CDH18: variants seen among roughly 807,000 people sequenced by gnomAD.
CDH18 encodes the protein cadherin 18.
In CDH18, 31 loss-of-function variants were observed where a neutral mutation model predicts 67.9. The observed-to-expected ratio is 0.46, with a 90% confidence interval of 0.34 to 0.62. The LOEUF (loss-of-function observed/expected upper bound fraction) is 0.62. Ranked by LOEUF, CDH18 falls within the 20% of genes least tolerant of loss-of-function variation. The pLI, the probability that CDH18 is intolerant of heterozygous loss-of-function variation, is 0.01. For synonymous variants in CDH18, 362 were observed against 347.2 expected (o/e 1.04, Z -0.48); for missense variants, 890 against 975.5 (o/e 0.91, Z 1.17).
rs1316446656 is a variant in CDH18 at position 19,473,012 on chromosome 5, A to C, written c.*214T>G. The C allele has an allele frequency of 1.9e-6, 1 of 517,866 alleles. No individual in the cohort carries two copies. Among genetic ancestry groups the C allele is most frequent in the African/African-American group, 1.9e-5 (1 of 52,148 alleles). The allele number at this position is 517,866 out of a possible 1,614,324, so 32.1% of individuals were successfully genotyped here. A position where few individuals can be genotyped will look rare whatever the true frequency, so the allele number is the denominator to read the frequency against. On this transcript the variant is annotated 3_prime_UTR_variant, in exon 13 of 13. Transcript: ENST00000382275. ...TTGAAAATATACACAAGGAACAATAACTTTTTCTTTGTATTGTCTTTTTTT... is the reference window on the plus strand; with the variant it reads ...TTGAAAATATACACAAGGAACAATACCTTTTTCTTTGTATTGTCTTTTTTT...
chr5:19,931,435 T>C (rs1361230892), intron 2 of CDH18, among the ~76,000 whole-genome samples: 1 of 151,936 alleles, frequency 6.6e-6, no homozygotes. Flanking sequence ...TTGGAATAAA[T>C]ATTTTCCCTG....
chr5:19,921,503 C>CCTGG (rs1792472293), intron 2 of CDH18, among the ~76,000 whole-genome samples: 1 of 150,602 alleles, frequency 6.6e-6, no homozygotes, highest in Admixed American at 6.6e-5. Flanking sequence ...TGCACTCTAG[C>CCTGG]CTGGGCAACA....
At chr5:20,277,105 G>A (rs921489899) in intron 1 of CDH18, among the ~76,000 whole-genome samples, 3 of 152,148 alleles carry the variant, frequency 2.0e-5, no homozygotes, top group Non-Finnish European at 4.4e-5. Flanking sequence ...GGACAAAAGC[G>A]AGGCTGTCTT....
intron 3 of CDH18, among the ~76,000 whole-genome samples, chr5:19,819,772 G>C (rs1213605027): frequency 2.0e-5 from 3 of 152,156 alleles, no homozygotes; most frequent in Non-Finnish European, 4.4e-5. Flanking sequence ...CTTGCTCTGA[G>C]TGGCTCTGGC....
intron 5 of CDH18, among the ~76,000 whole-genome samples, chr5:19,710,072 T>A (rs1474812282): frequency 6.6e-6 from 1 of 152,058 alleles, no homozygotes; most frequent in Admixed American, 6.6e-5. Context: ...GAGGCAGAAG[T>A]TGAAGTGAGT....
At chr5:19,517,166 C>T (rs915273958) in intron 10 of CDH18, among the ~76,000 whole-genome samples, 6 of 151,968 alleles carry the variant, frequency 3.9e-5, no homozygotes, top group South Asian at 4.2e-4. Flanking sequence ...AGGCCTGTAG[C>T]GATATCACAT....
chr5:20,544,998 C>A (rs952464431), intron 1 of CDH18, among the ~76,000 whole-genome samples: 2 of 152,178 alleles, frequency 1.3e-5, no homozygotes, highest in Non-Finnish European at 2.9e-5. Flanking sequence ...GATAAATGCT[C>A]CTGTTCCAAA....
chr5:20,358,932 CTTTTT>C (rs66786530), intron 1 of CDH18, among the ~76,000 whole-genome samples: 2 of 128,178 alleles, frequency 1.6e-5, no homozygotes, highest in Non-Finnish European at 1.6e-5. Context: ...TTTTTTCTTT[CTTTTT>C]TTTTTTTTTT....
upstream of CDH18, among the ~76,000 whole-genome samples, chr5:19,991,202 T>C (rs1422360067): frequency 6.6e-6 from 1 of 152,206 alleles, no homozygotes; most frequent in Non-Finnish European, 1.5e-5. Context: ...TTATGTGATG[T>C]TTCCAAACCT....
At chr5:20,434,159 C>T (rs191265802) in intron 1 of CDH18, among the ~76,000 whole-genome samples, 1 of 152,208 alleles carries the variant, frequency 6.6e-6, no homozygotes, top group East Asian at 1.9e-4. Context: ...GCAGGTCCTA[C>T]ATCTGATATT....
At chr5:19,581,467 C>T (rs1743243100) in intron 7 of CDH18, among the ~76,000 whole-genome samples, 3 of 151,924 alleles carry the variant, frequency 2.0e-5, no homozygotes, top group Admixed American at 2.0e-4. Flanking sequence ...ATATTCTTCT[C>T]TGGAACTATA....
At chr5:20,238,370 T>C (rs2126534088) in intron 2 of CDH18, among the ~76,000 whole-genome samples, 1 of 152,190 alleles carries the variant, frequency 6.6e-6, no homozygotes, top group East Asian at 1.9e-4. Context: ...TAAATAGAAA[T>C]CTCAGCTTCA....
At chr5:19,779,449 C>A (rs927377939) in intron 3 of CDH18, among the ~76,000 whole-genome samples, 2 of 152,116 alleles carry the variant, frequency 1.3e-5, no homozygotes, top group Admixed American at 6.6e-5. Flanking sequence ...AAGCTGAATT[C>A]TTTCTCTCAT....
intron 1 of CDH18, among the ~76,000 whole-genome samples, chr5:20,562,108 C>A (rs1205294246): frequency 6.6e-6 from 1 of 151,524 alleles, no homozygotes; most frequent in African/African-American, 2.4e-5. Context: ...CTCACAAAAA[C>A]CAGAGATCTA....
In CDH18 at chr5:20,407,177, G is replaced by T. The variant is rs189019593; in HGVS notation, c.-579-151672C>A. Among the ~76,000 whole-genome samples the T allele has an allele frequency of 4.4e-3, 671 of 152,282 alleles. 3 individuals are homozygous for T. Among genetic ancestry groups the T allele is most frequent in the African/African-American group, 0.015 (637 of 41,566 alleles). ...AGCTATCTGGCTAACTGCAGAGCAA[G>T]TAGGTGAAAAATCAAGCTTTCATTT... On this transcript the variant is annotated intron_variant, in intron 1 of 14. Coordinates refer to the CDH18 transcript ENST00000507958.
intron 5 of CDH18, among the ~76,000 whole-genome samples, chr5:19,705,913 C>A (rs1763888113): frequency 1.3e-5 from 2 of 152,112 alleles, no homozygotes; most frequent in South Asian, 4.1e-4. Context: ...TAATTGGGTT[C>A]TCCCTAAAAT....
intron 1 of CDH18, among the ~76,000 whole-genome samples, chr5:20,492,418 C>T (rs1205783760): frequency 1.3e-5 from 2 of 152,040 alleles, no homozygotes; most frequent in Non-Finnish European, 2.9e-5. Flanking sequence ...ACATATTTTT[C>T]AACCAAAGCA....
intron 2 of CDH18, among the ~76,000 whole-genome samples, chr5:20,236,212 CCT>C (rs1371374670): frequency 1.3e-5 from 2 of 150,786 alleles, no homozygotes; most frequent in African/African-American, 4.9e-5. Flanking sequence ...ACATGTATAC[CCT>C]GATTTTAAAG....
chr5:20,223,054 C>T (rs1192795857), intron 2 of CDH18, among the ~76,000 whole-genome samples: 1 of 151,924 alleles, frequency 6.6e-6, no homozygotes, highest in African/African-American at 2.4e-5. Context: ...ATCAAGGCTA[C>T]ATGTTGCATA....
Sources: gnomAD v4.1 joint callset for allele counts (sites outside exome capture counted in the v4.1 genomes callset) on GRCh38, gnomAD v4.1.1 for gene constraint, MANE v1.5 for transcripts, NCBI Gene and HGNC (gene_info 2026-07-23, HGNC 2026-07-21) for gene names.